REDIC1: variants seen among roughly 807,000 people sequenced by gnomAD.
REDIC1 encodes the protein regulator of DNA class I crossover intermediates 1, also known as HEI10 Interacting Protein 1.
the REDIC1 span, among the ~76,000 whole-genome samples, chr12:39,894,296 C>T: frequency 6.6e-6 from 1 of 152,204 alleles, no homozygotes; most frequent in South Asian, 2.1e-4. Context: ...TTCTAATTCA[C>T]TGAGCACTGG....
At chr12:39,895,518 A>G in the REDIC1 span, among the ~76,000 whole-genome samples, 1 of 1,018 alleles carries the variant, frequency 9.8e-4, no homozygotes, top group Non-Finnish European at 2.6e-3. Flanking sequence ...AAAAAATTAT[A>G]TATATATATA....
the REDIC1 span, chr12:39,641,096 T>A: frequency 5.4e-6 from 5 of 922,918 alleles, no homozygotes; most frequent in Admixed American, 1.1e-4. Context: ...CTGGAGGCCA[T>A]CTTCCTTTGG....
chr12:39,874,528 T>C, the REDIC1 span, among the ~76,000 whole-genome samples: 14 of 150,530 alleles, frequency 9.3e-5, no homozygotes, highest in African/African-American at 3.4e-4. Flanking sequence ...GGCAGGAGAA[T>C]TGCTTGAACC....
chr12:39,718,411 G>A, the REDIC1 span, among the ~76,000 whole-genome samples: 1 of 152,114 alleles, frequency 6.6e-6, no homozygotes, highest in South Asian at 2.1e-4. Context: ...AGCACTTACT[G>A]ACTCTAGGGG....
the REDIC1 span, among the ~76,000 whole-genome samples, chr12:39,907,010 G>A: frequency 6.6e-6 from 1 of 151,940 alleles, no homozygotes; most frequent in South Asian, 2.1e-4. Flanking sequence ...TGTATATAGT[G>A]AGTTATTTAT....
At chr12:39,668,291 G>C in the REDIC1 span, among the ~76,000 whole-genome samples, 16,584 of 152,032 alleles carry the variant, frequency 0.11, 989 homozygotes, top group Middle Eastern at 0.14. Flanking sequence ...GCATTTGCTT[G>C]TCTGTAAAGG....
At chr12:39,700,051 C>T in the REDIC1 span, among the ~76,000 whole-genome samples, 12 of 152,306 alleles carry the variant, frequency 7.9e-5, no homozygotes, top group East Asian at 7.7e-4. Context: ...TCCAAAGGAA[C>T]GCAGTTCCTC....
At chr12:39,712,029 C>CATGTATATATACCTACCTGT in the REDIC1 span, among the ~76,000 whole-genome samples, 84,545 of 113,158 alleles carry the variant, frequency 0.75, 32,585 homozygotes, top group Non-Finnish European at 0.83. Context: ...TGTATATATA[C>CATGTATATATACCTACCTGT]ATGTATATAT....
the REDIC1 span, among the ~76,000 whole-genome samples, chr12:39,684,681 A>G: frequency 1.3e-5 from 2 of 152,200 alleles, no homozygotes; most frequent in Non-Finnish European, 2.9e-5. Flanking sequence ...ATTTTAAACT[A>G]TAGAATACCA....
the REDIC1 span, among the ~76,000 whole-genome samples, chr12:39,702,117 CA>C: frequency 1.3e-5 from 2 of 152,022 alleles, no homozygotes; most frequent in Non-Finnish European, 2.9e-5. Context: ...AATAGAGACA[CA>C]AAAAACCCTT....
chr12:39,804,980 C>A, the REDIC1 span, among the ~76,000 whole-genome samples: 1 of 88,568 alleles, frequency 1.1e-5, no homozygotes, highest in African/African-American at 4.5e-5. Context: ...TGGAAAGTGC[C>A]ACAGTCTGAG....
chr12:39,642,211 T>C, the REDIC1 span, among the ~76,000 whole-genome samples: 1 of 151,814 alleles, frequency 6.6e-6, no homozygotes, highest in East Asian at 1.9e-4. Flanking sequence ...ACTTCTGTTC[T>C]TTCTTGGAAC....
chr12:39,857,371 T>C, the REDIC1 span, among the ~76,000 whole-genome samples: 1 of 152,210 alleles, frequency 6.6e-6, no homozygotes, highest in Admixed American at 6.5e-5. Flanking sequence ...CACAGTGAGG[T>C]TTCGGATCCT....
the REDIC1 span, chr12:39,682,649 T>C: frequency 6.2e-7 from 1 of 1,604,400 alleles, no homozygotes; most frequent in Non-Finnish European, 8.5e-7. Context: ...AGCCCTGCTG[T>C]AATTATGGAT....
the REDIC1 span, among the ~76,000 whole-genome samples, chr12:39,643,436 A>T: frequency 6.6e-6 from 1 of 151,688 alleles, no homozygotes; most frequent in Non-Finnish European, 1.5e-5. Flanking sequence ...TACTTTGTAG[A>T]AAAACAAGAA....
the REDIC1 span, among the ~76,000 whole-genome samples, chr12:39,879,694 T>C: frequency 1.4e-4 from 22 of 152,210 alleles, no homozygotes; most frequent in Admixed American, 1.2e-3. Flanking sequence ...ACTTGATTTT[T>C]ATTTTACAGG....
chr12:39,689,693 G>C, the REDIC1 span, among the ~76,000 whole-genome samples: 1 of 152,074 alleles, frequency 6.6e-6, no homozygotes, highest in African/African-American at 2.4e-5. Context: ...CTACTAGAGA[G>C]GTTTGAGGAG....
At chr12:39,724,426 A>T in the REDIC1 span, among the ~76,000 whole-genome samples, 4 of 152,200 alleles carry the variant, frequency 2.6e-5, no homozygotes, top group Non-Finnish European at 5.9e-5. Flanking sequence ...CCTCAGAAGG[A>T]TTAACCTTAA....
At chr12:39,774,637 A>C in the REDIC1 span, among the ~76,000 whole-genome samples, 4 of 150,418 alleles carry the variant, frequency 2.7e-5, no homozygotes, top group Non-Finnish European at 5.9e-5. Flanking sequence ...TGTCATTTAC[A>C]GACAAGATGA....
Sources: gnomAD v4.1 joint callset for allele counts (sites outside exome capture counted in the v4.1 genomes callset) on GRCh38, gnomAD v4.1.1 for gene constraint, MANE v1.5 for transcripts, NCBI Gene and HGNC (gene_info 2026-07-23, HGNC 2026-07-21) for gene names.